Variants in MMD2 observed in about 807,000 individuals in gnomAD.
The protein encoded by MMD2 is monocyte to macrophage differentiation associated 2, also known as monocyte to macrophage differentiation factor 2.
A neutral mutation model predicts 33.5 loss-of-function variants in MMD2; 30 were observed. The observed-to-expected ratio is 0.90, with a 90% confidence interval of 0.67 to 1.22. The LOEUF is 1.22. MMD2 is among the 50% of genes most tolerant of loss of function. The pLI is 0.00. For missense variants in MMD2, 364 were observed against 325.4 expected (o/e 1.12, Z -0.91); for synonymous variants, 129 against 123.0 (o/e 1.05, Z -0.32).
chr7:4,951,923 G>T (rs1786254810), intron 1 of MMD2, among the ~76,000 whole-genome samples: 2 of 152,028 alleles, frequency 1.3e-5, no homozygotes, highest in South Asian at 4.2e-4. Flanking sequence ...TTTTTGGAGA[G>T]TCAGGGTTTC....
At chr7:4,939,700 A>G (rs1212134575) in intron 1 of MMD2, among the ~76,000 whole-genome samples, 1 of 152,100 alleles carries the variant, frequency 6.6e-6, no homozygotes, top group Non-Finnish European at 1.5e-5. Context: ...ACAAATGTCA[A>G]ATGGCGGTGC....
chr7:4,959,175 G>T lies in MMD2; in HGVS notation c.-158C>A. On this transcript the variant is annotated 5_prime_UTR_variant, in exon 1 of 7. Transcript: ENST00000401401. Reference sequence around the variant, plus strand: ...AGCCGGAGCCGGAGCCCGAGCCGGAGCTGGAGGCGCCCGGAGCCGCCGACG... The same window carrying T: ...AGCCGGAGCCGGAGCCCGAGCCGGATCTGGAGGCGCCCGGAGCCGCCGACG... The T allele has an allele frequency of 2.1e-6, 1 of 478,862 alleles. No individual in the cohort carries two copies. The highest frequency in any genetic ancestry group is 3.2e-6 in the Non-Finnish European group (1 of 312,266). The allele number at this position is 478,862 out of a possible 1,614,324, so 29.7% of individuals were successfully genotyped here.
At position 4,946,643 on chromosome 7, in the gene MMD2, G is replaced by C. The variant is rs1786094935; in HGVS notation, c.47+12328C>G. Reference sequence around the variant, plus strand: ...CCAGGGGTTACCTTAGAGCCCTCATGGATCAACCTAGCACCACGGGTGGCA... The same window carrying C: ...CCAGGGGTTACCTTAGAGCCCTCATCGATCAACCTAGCACCACGGGTGGCA... On this transcript the variant is annotated intron_variant, in intron 1 of 6. Coordinates refer to ENST00000401401, the MANE Select transcript of MMD2 (RefSeq NM_198403.4). This position sits in a 1 kb window ranked among gnomAD's most constrained non-coding sequence, Gnocchi z 5.0. 6.6e-6 allele frequency among the ~76,000 whole-genome samples: 1 copy of C among 152,160 alleles called. No individual in the cohort carries two copies. Among genetic ancestry groups the C allele is most frequent in the Non-Finnish European group, 1.5e-5 (1 of 68,024 alleles).
At chr7:4,914,588 C>G (rs886794656) in intron 4 of MMD2, among the ~76,000 whole-genome samples, 1 of 152,104 alleles carries the variant, frequency 6.6e-6, no homozygotes, top group East Asian at 1.9e-4. Flanking sequence ...AGCACAGGGC[C>G]TGGCACAGGG....
At chr7:4,958,611 G>A (rs891040728) in intron 1 of MMD2, among the ~76,000 whole-genome samples, 1 of 152,202 alleles carries the variant, frequency 6.6e-6, no homozygotes, top group Non-Finnish European at 1.5e-5. Flanking sequence ...GAGCGTAGCT[G>A]GCCTGGGCTC....
Position 4,907,579 on chromosome 7 carries a change from C to T in MMD2, c.558G>A (p.Trp186Ter). ...AGAAGACCCCTCCGGTCACCAGCTC[C>T]CAGATGCCCTCGGTGTTGGGCTGTC... ...ILSMPNTEGI[W>*]ELVTGGVFYC... Residue 186 changes from tryptophan (W) to a stop codon, truncating the protein, a stop_gained, in exon 7 of 7, where the codon TGG (tryptophan) becomes TGA (stop). Transcript: ENST00000401401. LOFTEE classifies it high-confidence loss of function. 6.2e-7 allele frequency: 1 copy of T among 1,612,690 alleles called. No individual in the cohort carries two copies. Among genetic ancestry groups the T allele is most frequent in the Non-Finnish European group, 8.5e-7 (1 of 1,179,822 alleles).
chr7:4,910,811 T>C (rs541359733), intron 5 of MMD2, among the ~76,000 whole-genome samples: 4 of 152,254 alleles, frequency 2.6e-5, no homozygotes, highest in African/African-American at 7.2e-5. Flanking sequence ...GTATTTTTAA[T>C]AGAGACAGGG....
At chr7:4,957,995 G>A (rs1428446376) in intron 1 of MMD2, among the ~76,000 whole-genome samples, 1 of 152,206 alleles carries the variant, frequency 6.6e-6, no homozygotes, top group Non-Finnish European at 1.5e-5. Context: ...ACTGATGTGA[G>A]TAGGAAGAAT....
the MMD2 span, among the ~76,000 whole-genome samples, chr7:4,892,446 G>A: frequency 6.6e-6 from 1 of 151,832 alleles, no homozygotes; most frequent in Middle Eastern, 3.4e-3. Context: ...AAATTAGCTG[G>A]GCATGGTGGT....
intron 1 of MMD2, among the ~76,000 whole-genome samples, chr7:4,933,383 G>C (rs1467802065): frequency 6.6e-6 from 1 of 152,058 alleles, no homozygotes; most frequent in East Asian, 1.9e-4. Flanking sequence ...ATGTATTGAA[G>C]GTAAATTTGT....
the MMD2 span, among the ~76,000 whole-genome samples, chr7:4,899,042 C>G: frequency 1.3e-5 from 2 of 151,792 alleles, no homozygotes; most frequent in African/African-American, 4.9e-5. Flanking sequence ...GTCAGGGAGG[C>G]TGCATCTTCA....
At position 4,925,495 on chromosome 7, in the gene MMD2, G is replaced by C; in HGVS notation, c.85C>G (p.Gln29Glu). The C allele has an allele frequency of 6.3e-7, 1 of 1,581,940 alleles. No individual in the cohort carries two copies. Among genetic ancestry groups the C allele is most frequent in the South Asian group, 1.2e-5 (1 of 86,934 alleles). Reference sequence around the variant, plus strand: ...GCCGCATGTTCATACTCTGTGGGCTGGTACCTCTTGTGGGCAGGGACTCGG... The same window carrying C: ...GCCGCATGTTCATACTCTGTGGGCTCGTACCTCTTGTGGGCAGGGACTCGG... ...NHRVPAHKRYQPTEYEHAANC... is the reference protein window; with the variant it reads ...NHRVPAHKRYEPTEYEHAANC... Residue 29 changes from glutamine to glutamate, a missense_variant, in exon 2 of 7, where the codon CAG becomes GAG. By Grantham distance (29) the Gln-to-Glu change is conservative (BLOSUM62 2). Coordinates refer to ENST00000401401, the MANE Select transcript of MMD2 (RefSeq NM_198403.4).
chr7:4,906,470 G>A lies in MMD2; in HGVS notation c.*926C>T. ...TCACAAACCTTAAGTATGGAGCAGG[G>A]AGCAAGTGCCTGGGGGCTGTTTGCC... On this transcript the variant is annotated 3_prime_UTR_variant, in exon 7 of 7. Coordinates refer to ENST00000401401, the MANE Select transcript of MMD2 (RefSeq NM_198403.4). 2.5e-6 allele frequency: 1 copy of A among 398,648 alleles called. No homozygotes were observed. The highest frequency in any genetic ancestry group is 4.4e-6 in the Non-Finnish European group (1 of 226,084). The allele number at this position is 398,648 out of a possible 1,614,324, so 24.7% of individuals were successfully genotyped here.
downstream of MMD2, among the ~76,000 whole-genome samples, chr7:4,904,848 G>A (rs767862493): frequency 2.0e-5 from 3 of 152,186 alleles, no homozygotes; most frequent in African/African-American, 4.8e-5. Flanking sequence ...TGGGACCAGT[G>A]CAAGTAGCTG....
chr7:4,922,834 G>A (rs1785322055), intron 2 of MMD2, among the ~76,000 whole-genome samples: 2 of 152,150 alleles, frequency 1.3e-5, no homozygotes, highest in African/African-American at 4.8e-5. Flanking sequence ...TGTGAGCACA[G>A]GACATGTCCT....
rs1785866336 is a variant in MMD2, at chr7:4,940,145, G to C, written c.48-14613C>G. ...TTGACGGTAGTGAGGACTGACTAAT[G>C]GGGTGTGAAGGGGTTCCTGAGGCCT... On this transcript the variant is annotated intron_variant, in intron 1 of 6. Transcript: ENST00000401401. The surrounding 1 kb of genome is among the most constrained non-coding windows in gnomAD (Gnocchi z 5.0). Among the ~76,000 whole-genome samples the C allele has an allele frequency of 6.6e-6, 1 of 152,148 alleles. No homozygotes were observed. The highest frequency in any genetic ancestry group is 1.5e-5 in the Non-Finnish European group (1 of 68,026).
intron 6 of MMD2, 91 bp downstream of exon 6, chr7:4,909,783 CAAAGGAG>C: frequency 6.6e-7 from 1 of 1,513,018 alleles, no homozygotes; most frequent in African/African-American, 1.4e-5. Flanking sequence ...CCCCGCCTGC[CAAAGGAG>C]AGGGTTTGTG....
chr7:4,958,918 G>A, intron 1 of MMD2, 53 bp downstream of exon 1: 3 of 1,276,314 alleles, frequency 2.4e-6, no homozygotes, highest in Admixed American at 4.1e-5. Context: ...CGCGGCCCCC[G>A]CCGCCGCGCG....
At chr7:4,950,487 A>C (rs992144823) in intron 1 of MMD2, among the ~76,000 whole-genome samples, 5 of 151,906 alleles carry the variant, frequency 3.3e-5, no homozygotes, top group African/African-American at 7.3e-5. Context: ...CCTATTAAAC[A>C]CTAATTCTTC....
Sources: allele counts gnomAD v4.1 joint callset (sites outside exome capture counted in the v4.1 genomes callset), GRCh38; gene constraint gnomAD v4.1.1; non-coding constraint Gnocchi (gnomAD v3.1); transcripts MANE v1.5; gene names NCBI Gene and HGNC (gene_info 2026-07-23, HGNC 2026-07-21).